Variants in CAST observed in about 807,000 individuals in gnomAD.
CAST encodes the protein calpastatin.
CAST carries 76 observed loss-of-function variants against 119.6 expected under a neutral mutation model. The ratio of observed to expected loss-of-function variants is 0.64; its 90% confidence interval spans 0.53 to 0.77. The LOEUF (loss-of-function observed/expected upper bound fraction) is 0.77, where lower values mean the gene tolerates loss of function less well. Ranked by LOEUF, CAST falls within the 30% of genes least tolerant of loss-of-function variation. The pLI is 0.00. For missense variants in CAST, 953 were observed against 946.5 expected (o/e 1.01, Z -0.09); for synonymous variants, 319 against 331.6 (o/e 0.96, Z 0.41).
At chr5:96,438,900 A>G in the CAST span, among the ~76,000 whole-genome samples, 1 of 152,194 alleles carries the variant, frequency 6.6e-6, no homozygotes, top group Non-Finnish European at 1.5e-5. Context: ...TATGTTTGTG[A>G]TATTCATAAC....
the CAST span, among the ~76,000 whole-genome samples, chr5:96,084,891 A>G: frequency 6.6e-6 from 1 of 152,240 alleles, no homozygotes; most frequent in South Asian, 2.1e-4. Flanking sequence ...GAAGGAAGAA[A>G]GGAAGCAGAG....
chr5:96,447,181 T>G, the CAST span, among the ~76,000 whole-genome samples: 1 of 152,270 alleles, frequency 6.6e-6, no homozygotes, highest in South Asian at 2.1e-4. Context: ...AGCCCAGGCG[T>G]AAGAAGCCAT....
chr5:96,207,390 G>A, the CAST span, among the ~76,000 whole-genome samples: 7 of 151,952 alleles, frequency 4.6e-5, no homozygotes, highest in African/African-American at 1.7e-4. Flanking sequence ...GTTGTCAAGG[G>A]GAATACTTCC....
intron 1 of CAST, among the ~76,000 whole-genome samples, chr5:96,633,519 T>C (rs1437598203): frequency 6.6e-6 from 1 of 152,228 alleles, no homozygotes; most frequent in Non-Finnish European, 1.5e-5. Flanking sequence ...ATTAGTATCT[T>C]CTCTCAGGTA....
At chr5:96,310,499 A>G in the CAST span, among the ~76,000 whole-genome samples, 1 of 151,650 alleles carries the variant, frequency 6.6e-6, no homozygotes, top group Non-Finnish European at 1.5e-5. Flanking sequence ...TTTGTGGAGA[A>G]TTGACATTAG....
At chr5:96,410,311 G>A in the CAST span, among the ~76,000 whole-genome samples, 1 of 152,072 alleles carries the variant, frequency 6.6e-6, no homozygotes, top group Non-Finnish European at 1.5e-5. Flanking sequence ...TTTTCCTGCA[G>A]GTCATCCATT....
chr5:96,629,131 G>A (rs1700898434), intron 1 of CAST, among the ~76,000 whole-genome samples: 1 of 152,144 alleles, frequency 6.6e-6, no homozygotes, highest in Non-Finnish European at 1.5e-5. Flanking sequence ...AGATAATTGG[G>A]TCACAAGGGC....
the CAST span, among the ~76,000 whole-genome samples, chr5:96,010,509 AC>A: frequency 2.6e-5 from 4 of 152,086 alleles, no homozygotes; most frequent in African/African-American, 9.7e-5. Flanking sequence ...GTGGGGTTTC[AC>A]CATGTTGGCC....
chr5:96,746,262 G>A (rs931422462), intron 16 of CAST, 80 bp from the exon 17 acceptor site: 61 of 834,956 alleles, frequency 7.3e-5, no homozygotes, highest in South Asian at 4.9e-4. Context: ...TATAACACTC[G>A]AGAAGTACAC....
At chr5:96,319,696 C>A in the CAST span, among the ~76,000 whole-genome samples, 2 of 152,218 alleles carry the variant, frequency 1.3e-5, no homozygotes, top group South Asian at 4.1e-4. Flanking sequence ...CAGTAAGCAA[C>A]CTCACTTTTG....
chr5:96,685,985 C>G (rs1752036890), intron 2 of CAST, among the ~76,000 whole-genome samples: 1 of 151,946 alleles, frequency 6.6e-6, no homozygotes, highest in Non-Finnish European at 1.5e-5. Flanking sequence ...TTCAAATGAC[C>G]TCTCCTTTTC....
intron 9 of CAST, 48 bp from the exon 10 acceptor site, chr5:96,736,124 G>A (rs1761587115): frequency 8.5e-7 from 1 of 1,181,396 alleles, no homozygotes; most frequent in Admixed American, 1.9e-5. Flanking sequence ...ATAGTATTGA[G>A]TTTTATTAAG....
At chr5:96,302,676 A>G in the CAST span, among the ~76,000 whole-genome samples, 1 of 152,214 alleles carries the variant, frequency 6.6e-6, no homozygotes, top group Non-Finnish European at 1.5e-5. Context: ...ACGGATCCCT[A>G]GAGCAGGGGC....
chr5:96,324,482 C>T, the CAST span, among the ~76,000 whole-genome samples: 22 of 152,294 alleles, frequency 1.4e-4, no homozygotes, highest in Non-Finnish European at 2.6e-4. Context: ...CCTACTTAGA[C>T]ACACATGAGA....
At chr5:96,327,109 G>A in the CAST span, among the ~76,000 whole-genome samples, 6 of 152,152 alleles carry the variant, frequency 3.9e-5, no homozygotes, top group African/African-American at 1.2e-4. Context: ...TTCTTATTCC[G>A]TGTATGACTT....
chr5:96,308,534 G>A, the CAST span, among the ~76,000 whole-genome samples: 4 of 151,890 alleles, frequency 2.6e-5, no homozygotes, highest in African/African-American at 4.8e-5. Flanking sequence ...GAGAGGAGGC[G>A]TTCTGGTTTT....
At chr5:96,206,060 A>G in the CAST span, among the ~76,000 whole-genome samples, 1 of 151,778 alleles carries the variant, frequency 6.6e-6, no homozygotes, top group African/African-American at 2.4e-5. Context: ...GCATTTTTCT[A>G]ATGATTAGGG....
chr5:96,626,283 T>C (rs1004103297), intron 1 of CAST, among the ~76,000 whole-genome samples: 1 of 152,226 alleles, frequency 6.6e-6, no homozygotes, highest in African/African-American at 2.4e-5. Flanking sequence ...TCCACCATGA[T>C]GACCTGATTC....
chr5:96,192,477 A>G, the CAST span, among the ~76,000 whole-genome samples: 1 of 152,246 alleles, frequency 6.6e-6, no homozygotes. Flanking sequence ...CATTGGGATG[A>G]ACATAGAACT....
Sources: gnomAD v4.1 joint callset for allele counts (sites outside exome capture counted in the v4.1 genomes callset) on GRCh38, gnomAD v4.1.1 for gene constraint, MANE v1.5 for transcripts, NCBI Gene and HGNC (gene_info 2026-07-23, HGNC 2026-07-21) for gene names.